The following AP3B1 variants were observed in gnomAD, a reference collection of about 807,000 sequenced individuals.
AP3B1 encodes adaptor related protein complex 3 subunit beta 1, also known as AP-3 complex subunit beta-1.
Under a neutral mutation model 132.5 loss-of-function variants are expected in AP3B1, and 61 were observed. The ratio of observed to expected loss-of-function variants is 0.46; its 90% CI spans 0.37 to 0.57. The LOEUF (loss-of-function observed/expected upper bound fraction) is 0.57. AP3B1 is among the 20% of genes least tolerant of loss of function. The pLI is 0.00. For synonymous variants in AP3B1, 388 were observed against 438.3 expected, an observed-to-expected ratio of 0.89 and a Z score of 1.43; for missense variants, 1,120 against 1,289.4, an observed-to-expected ratio of 0.87 and a Z score of 2.01.
At chr5:78,095,377 T>G (rs1040815587) in intron 21 of AP3B1, among the ~76,000 whole-genome samples, 2 of 152,230 alleles carry the variant, frequency 1.3e-5, no homozygotes, top group Admixed American at 1.3e-4. Flanking sequence ...ATTAATCTAA[T>G]TCTCACAGTT....
At chr5:78,036,097 G>C (rs577500798) in intron 23 of AP3B1, among the ~76,000 whole-genome samples, 28 of 152,176 alleles carry the variant, frequency 1.8e-4, no homozygotes, top group African/African-American at 6.0e-4. Flanking sequence ...TTGACAAAGT[G>C]ACAGCTCTCA....
At chr5:78,093,158 G>C (rs566792678) in intron 21 of AP3B1, among the ~76,000 whole-genome samples, 2 of 152,224 alleles carry the variant, frequency 1.3e-5, no homozygotes, top group South Asian at 2.1e-4. Flanking sequence ...TGTTCTAACA[G>C]GATAAAGGAC....
chr5:78,075,221 A>C (rs1749716456), intron 22 of AP3B1, among the ~76,000 whole-genome samples: 1 of 152,190 alleles, frequency 6.6e-6, no homozygotes, highest in African/African-American at 2.4e-5. Flanking sequence ...AGATAAGACT[A>C]CTCAAGAGAA....
chr5:78,144,992 C>T (rs1753323718), intron 14 of AP3B1, among the ~76,000 whole-genome samples: 1 of 152,068 alleles, frequency 6.6e-6, no homozygotes, highest in Non-Finnish European at 1.5e-5. Flanking sequence ...AGCCACCATG[C>T]CAGCTGATAG....
In AP3B1 at chr5:78,128,152, G is replaced by C; in HGVS notation, c.1846C>G (p.His616Asp). The change falls in exon 17 of 27, where the codon CAT becomes GAT. Residue 616 changes from histidine to aspartate, a missense_variant. His to Asp is a moderately conservative substitution (Grantham distance 81). This residue lies in a region of AP3B1 where 906 missense variants were observed against 997.1 expected (regional missense o/e 0.91). Coordinates refer to ENST00000255194, the MANE Select transcript of AP3B1 (RefSeq NM_003664.5). ...TGAGATAAGGTGCCAAGCTGGAAATGATCTCTATCTATTAAAAATAGGGAA... is the reference window on the plus strand; with the variant it reads ...TGAGATAAGGTGCCAAGCTGGAAATCATCTCTATCTATTAAAAATAGGGAA... Reference protein sequence around the residue: ...LLESPFKDRDHFQLGTLSHTL... With the variant: ...LLESPFKDRDDFQLGTLSHTL... 1.9e-6 allele frequency: 3 copies of C among 1,603,762 alleles called. No individual in the cohort carries two copies. Among genetic ancestry groups the C allele is most frequent in the Non-Finnish European group, 2.6e-6 (3 of 1,171,144 alleles).
At chr5:78,167,628 T>TACACAC (rs200429467) in intron 11 of AP3B1, among the ~76,000 whole-genome samples, 14 of 145,462 alleles carry the variant, frequency 9.6e-5, no homozygotes, top group African/African-American at 3.9e-4. Flanking sequence ...ACATGTTATA[T>TACACAC]ATATACACAC....
At chr5:78,247,094 A>C (rs1447742065) in intron 2 of AP3B1, among the ~76,000 whole-genome samples, 1 of 151,702 alleles carries the variant, frequency 6.6e-6, no homozygotes, top group Non-Finnish European at 1.5e-5. Context: ...TAAATGTATA[A>C]GTTTGATGTA....
chr5:78,242,278 G>A (rs115719402), intron 2 of AP3B1, among the ~76,000 whole-genome samples: 3,304 of 152,188 alleles, frequency 0.022, 47 homozygotes, highest in Non-Finnish European at 0.036. Context: ...CTATGCCTCT[G>A]CTCAGATCAT....
intron 1 of AP3B1, among the ~76,000 whole-genome samples, chr5:78,293,356 T>C (rs1749617360): frequency 6.6e-6 from 1 of 152,200 alleles, no homozygotes; most frequent in South Asian, 2.1e-4. Flanking sequence ...CAAATGCATA[T>C]AATGAAAAAT....
chr5:78,009,281 C>T (rs1470315684), intron 26 of AP3B1, among the ~76,000 whole-genome samples: 1 of 149,002 alleles, frequency 6.7e-6, no homozygotes, highest in East Asian at 2.0e-4. Flanking sequence ...ATAGGGACAC[C>T]CTGTCTCTAC....
intron 22 of AP3B1, among the ~76,000 whole-genome samples, chr5:78,072,390 G>A (rs147578647): frequency 1.8e-3 from 274 of 152,072 alleles, no homozygotes; most frequent in African/African-American, 6.0e-3. Flanking sequence ...GCCATTTCAC[G>A]CATATCATTT....
intron 7 of AP3B1, among the ~76,000 whole-genome samples, chr5:78,207,612 A>C (rs1180150823): frequency 1.3e-5 from 2 of 152,158 alleles, no homozygotes; most frequent in Admixed American, 1.3e-4. Flanking sequence ...CTAAAATAAA[A>C]GGAAGAAGTG....
Position 78,257,697 on chromosome 5 carries a change from G to T in AP3B1, c.204+9823C>A, listed in dbSNP as rs1014578500. Among the ~76,000 whole-genome samples, 9 of 152,248 alleles carry T rather than the reference G, an allele frequency of 5.9e-5. No individual in the cohort carries two copies. In the East Asian group the frequency reaches 1.5e-3, roughly 26 times the overall value. On this transcript the variant is annotated intron_variant, in intron 2 of 26. Coordinates refer to ENST00000255194, the MANE Select transcript of AP3B1 (RefSeq NM_003664.5). ...CTAAAATTTATATGGAACCACAAAAGATCCAGAATAGCCAAAGTTATATTA... is the reference window on the plus strand; with the variant it reads ...CTAAAATTTATATGGAACCACAAAATATCCAGAATAGCCAAAGTTATATTA...
intron 22 of AP3B1, among the ~76,000 whole-genome samples, chr5:78,039,512 A>G (rs1276349464): frequency 6.6e-6 from 1 of 152,194 alleles, no homozygotes; most frequent in Non-Finnish European, 1.5e-5. Context: ...GCGGTGGCTC[A>G]CGCCTGTAAT....
At chr5:78,005,769 T>C (rs1746365469) in intron 26 of AP3B1, among the ~76,000 whole-genome samples, 1 of 152,228 alleles carries the variant, frequency 6.6e-6, no homozygotes. Context: ...ATGATCAAAA[T>C]TGGTTTGTTT....
At chr5:78,156,646 T>C (rs761876074) in intron 13 of AP3B1, among the ~76,000 whole-genome samples, 1 of 152,212 alleles carries the variant, frequency 6.6e-6, no homozygotes, top group Admixed American at 6.5e-5. Flanking sequence ...GCAAAAGACG[T>C]TGGATTATGC....
chr5:78,133,571 G>A (rs891200555), intron 15 of AP3B1, among the ~76,000 whole-genome samples: 3 of 152,166 alleles, frequency 2.0e-5, no homozygotes, highest in African/African-American at 7.2e-5. Context: ...TCTGTCCAGG[G>A]AAGCTGTTAG....
chr5:78,056,747 C>T (rs1409978853), intron 22 of AP3B1, among the ~76,000 whole-genome samples: 1 of 152,176 alleles, frequency 6.6e-6, no homozygotes, highest in East Asian at 1.9e-4. Flanking sequence ...TCTTTGTTAA[C>T]AACTGAGGGA....
intron 22 of AP3B1, among the ~76,000 whole-genome samples, chr5:78,051,587 G>A (rs915550566): frequency 1.3e-5 from 2 of 152,126 alleles, no homozygotes; most frequent in African/African-American, 2.4e-5. Flanking sequence ...ACTATTCAAA[G>A]ATGACATTTC....
Sources: allele counts gnomAD v4.1 joint callset (sites outside exome capture counted in the v4.1 genomes callset), GRCh38; gene constraint gnomAD v4.1.1; regional missense constraint gnomAD v4.1.1; transcripts MANE v1.5; gene names NCBI Gene and HGNC (gene_info 2026-07-23, HGNC 2026-07-21).